Variants in SCFD1 observed in about 807,000 individuals in gnomAD.
The protein encoded by SCFD1 is sec1 family domain containing 1.
SCFD1 carries 37 observed loss-of-function variants against 103.2 expected under a neutral mutation model. The observed-to-expected ratio is 0.36, with a 90% CI of 0.28 to 0.47. SCFD1 has a LOEUF of 0.47. Ranked by LOEUF, SCFD1 falls within the 20% of genes least tolerant of loss-of-function variation. SCFD1 has a pLI of 1.00. For synonymous variants in SCFD1, 264 were observed against 245.0 expected (o/e 1.08, Z -0.73); for missense variants, 639 against 761.2 (o/e 0.84, Z 1.89).
In SCFD1 at chr14:30,698,907, G is replaced by A. The variant is rs116693721; in HGVS notation, c.1340-1281G>A. Among the ~76,000 whole-genome samples the A allele has an allele frequency of 4.6e-3, 703 of 152,284 alleles. 8 individuals are homozygous for A. Among genetic ancestry groups the A allele is most frequent in the African/African-American group, 0.016 (653 of 41,562 alleles). Reference sequence around the variant, plus strand: ...CATTTCAAAGACTGAGAGGGGAAGAGCTAGAAGACGACCTCCCAGTCCCCA... The same window carrying A: ...CATTTCAAAGACTGAGAGGGGAAGAACTAGAAGACGACCTCCCAGTCCCCA... On this transcript the variant is annotated intron_variant, in intron 15 of 24. Transcript: ENST00000458591.
intron 8 of SCFD1, among the ~76,000 whole-genome samples, chr14:30,649,880 T>C (rs1594607887): frequency 6.6e-6 from 1 of 152,206 alleles, no homozygotes; most frequent in Non-Finnish European, 1.5e-5. Flanking sequence ...TATTTTACAC[T>C]TATTTGATCC....
intron 10 of SCFD1, among the ~76,000 whole-genome samples, chr14:30,656,936 G>A (rs1886961876): frequency 6.6e-6 from 1 of 152,064 alleles, no homozygotes; most frequent in South Asian, 2.1e-4. Context: ...GGTCTCAGTG[G>A]GATTGGAGGT....
At chr14:30,719,476 A>G (rs896267970) in intron 21 of SCFD1, 99 bp downstream of exon 21, 2 of 794,966 alleles carry the variant, frequency 2.5e-6, no homozygotes, top group African/African-American at 3.6e-5. Context: ...AATCCAAACT[A>G]TATGGAAAAC....
chr14:30,630,604 A>G, intron 3 of SCFD1, 39 bp downstream of exon 3: 1 of 1,191,512 alleles, frequency 8.4e-7, no homozygotes, highest in African/African-American at 1.5e-5. Flanking sequence ...TATTCATTTA[A>G]AGAACATTTA....
Position 30,694,879 on chromosome 14 carries a change from A to G in SCFD1, c.1339+10A>G. 6.3e-7 allele frequency: 1 copy of G among 1,578,000 alleles called. No individual in the cohort carries two copies. The highest frequency in any genetic ancestry group is 8.6e-7 in the Non-Finnish European group (1 of 1,168,026). On this transcript the variant is annotated intron_variant, in intron 15 of 24. Transcript: ENST00000458591. ...ATATCAGACCCTGATGGTATGTACC[A>G]AAAATTTGAGGTTAATGTAAGTTTC... is the stretch of plus-strand genomic sequence containing the variant.
At chr14:30,673,128 A>G (rs1220459816) in intron 11 of SCFD1, 129 bp from the exon 12 acceptor site, 2 of 451,448 alleles carry the variant, frequency 4.4e-6, no homozygotes, top group African/African-American at 4.0e-5. Flanking sequence ...CCTTTGTTAT[A>G]TATAACATAT....
At chr14:30,671,388 G>A (rs538657215) in intron 11 of SCFD1, among the ~76,000 whole-genome samples, 3 of 151,926 alleles carry the variant, frequency 2.0e-5, no homozygotes, top group Admixed American at 6.6e-5. Context: ...CATAATCTAC[G>A]TTTCCCTCCA....
chr14:30,724,412 C>T lies in SCFD1; in HGVS notation c.1836+1853C>T, dbSNP rs1892898178. Among the ~76,000 whole-genome samples the T allele has an allele frequency of 2.6e-5, 4 of 151,972 alleles. No homozygotes were observed. In the South Asian group the frequency reaches 6.2e-4, roughly 24 times the overall value. On this transcript the variant is annotated intron_variant, in intron 23 of 24. Coordinates refer to ENST00000458591, the MANE Select transcript of SCFD1 (RefSeq NM_016106.4). ...AGATTACAGGCGCACCCTTCCACAACCAGCTAATTTTTGTATTTTTAGTAG... is the reference window on the plus strand; with the variant it reads ...AGATTACAGGCGCACCCTTCCACAATCAGCTAATTTTTGTATTTTTAGTAG...
intron 16 of SCFD1, among the ~76,000 whole-genome samples, chr14:30,700,771 A>C (rs1374825116): frequency 1.3e-5 from 2 of 152,224 alleles, no homozygotes; most frequent in African/African-American, 4.8e-5. Context: ...AGGGGAAACT[A>C]CCCGTGAAAC....
chr14:30,638,677 A>G lies in SCFD1; in HGVS notation c.435+430A>G, dbSNP rs115957168. 3.7e-3 allele frequency among the ~76,000 whole-genome samples: 562 copies of G among 152,264 alleles called. 7 individuals are homozygous for G. The highest frequency in any genetic ancestry group is 0.013 in the African/African-American group (532 of 41,560). On this transcript the variant is annotated intron_variant, in intron 5 of 24. Coordinates refer to ENST00000458591, the MANE Select transcript of SCFD1 (RefSeq NM_016106.4). ...AGAGGATCCAAAGTGCCCGTGTTGC[A>G]TATTGAGATCCAAAGTGCCTCTGTT...
At chr14:30,715,064 G>A (rs756576917) in intron 19 of SCFD1, among the ~76,000 whole-genome samples, 1 of 152,150 alleles carries the variant, frequency 6.6e-6, no homozygotes, top group African/African-American at 2.4e-5. Flanking sequence ...AGATGATGCA[G>A]TGCAACATTG....
At chr14:30,718,256 A>G (rs1203450968) in intron 20 of SCFD1, among the ~76,000 whole-genome samples, 2 of 152,214 alleles carry the variant, frequency 1.3e-5, no homozygotes, top group Admixed American at 1.3e-4. Flanking sequence ...TACTACTGCT[A>G]TATTCCTGCT....
In SCFD1 at chr14:30,622,396, A is replaced by G. The variant is rs137944274; in HGVS notation, c.58A>G (p.Thr20Ala). 258 of 1,552,600 alleles carry G rather than the reference A, an allele frequency of 1.7e-4. No homozygotes were observed. The highest frequency in any genetic ancestry group is 2.1e-4 in the Non-Finnish European group (237 of 1,147,544). The change falls in exon 1 of 25, where the codon ACA (threonine) becomes GCA (alanine). Residue 20 changes from threonine to alanine, a missense_variant. Thr to Ala is a moderately conservative substitution (Grantham distance 58). Transcript: ENST00000458591. ...AAAASIRERQTVALKRMLNFN... is the reference protein window; with the variant it reads ...AAAASIRERQAVALKRMLNFN... ...AGCAGCCAGTATTCGGGAAAGGCAG[A>G]CAGGTACTGACTTATTCTCTTCTCC...
chr14:30,631,115 A>T (rs557633669), intron 3 of SCFD1, among the ~76,000 whole-genome samples: 6 of 152,312 alleles, frequency 3.9e-5, no homozygotes, highest in African/African-American at 1.4e-4. Context: ...GTACTTTGGG[A>T]GGCCAAGGCG....
At chr14:30,633,549 T>G in intron 3 of SCFD1, among the ~76,000 whole-genome samples, 1 of 152,190 alleles carries the variant, frequency 6.6e-6, no homozygotes, top group South Asian at 2.1e-4. Context: ...TCCCCTAGCT[T>G]TCTGATTTTC....
chr14:30,732,341 C>G (rs1345318392), intron 23 of SCFD1, among the ~76,000 whole-genome samples: 1 of 152,306 alleles, frequency 6.6e-6, no homozygotes, highest in East Asian at 1.9e-4. Flanking sequence ...GAGGCAAGAG[C>G]AGACATCCTT....
intron 1 of SCFD1, among the ~76,000 whole-genome samples, chr14:30,623,531 C>T (rs572821076): frequency 6.6e-6 from 1 of 152,240 alleles, no homozygotes; most frequent in East Asian, 1.9e-4. Context: ...GGCATACCTG[C>T]CATTCGTTGT....
intron 23 of SCFD1, among the ~76,000 whole-genome samples, chr14:30,728,339 C>T (rs1165576781): frequency 6.6e-6 from 1 of 152,196 alleles, no homozygotes; most frequent in Admixed American, 6.5e-5. Context: ...TGGTTGTTAG[C>T]ACATTGTTGA....
intron 23 of SCFD1, among the ~76,000 whole-genome samples, chr14:30,732,875 A>G (rs536284163): frequency 3.3e-5 from 5 of 152,346 alleles, no homozygotes; most frequent in Admixed American, 6.5e-5. Flanking sequence ...ACTAATATTG[A>G]TGAATTGGGA....
Sources: gnomAD v4.1 joint callset for allele counts (sites outside exome capture counted in the v4.1 genomes callset) on GRCh38, gnomAD v4.1.1 for gene constraint, MANE v1.5 for transcripts, NCBI Gene and HGNC (gene_info 2026-07-23, HGNC 2026-07-21) for gene names.